DNAH14: variants seen among roughly 807,000 people sequenced by gnomAD.
DNAH14 encodes dynein axonemal heavy chain 14.
Under a neutral mutation model 520.9 loss-of-function variants are expected in DNAH14, and 478 were observed. The ratio of observed to expected loss-of-function variants is 0.92; its 90% CI spans 0.85 to 0.99. DNAH14 has a LOEUF of 0.99. Among genes scored for constraint, DNAH14 ranks in the 50% least tolerant of loss-of-function variants. DNAH14 has a pLI of 0.00. For synonymous variants in DNAH14, 1,581 were observed against 1,757.2 expected (o/e 0.90, Z 2.51); for missense variants, 4,831 against 5,234.5 (o/e 0.92, Z 2.38).
intron 54 of DNAH14, among the ~76,000 whole-genome samples, chr1:225,286,121 G>A (rs1344046837): frequency 6.6e-6 from 1 of 152,200 alleles, no homozygotes; most frequent in African/African-American, 2.4e-5. Context: ...CAGAAGTAGA[G>A]AGTAGAATTA....
chr1:225,132,678 T>C (rs911052639), intron 27 of DNAH14, among the ~76,000 whole-genome samples: 1 of 152,234 alleles, frequency 6.6e-6, no homozygotes, highest in Admixed American at 6.5e-5. Context: ...TCAATGAACA[T>C]ACATGTGTGC....
At chr1:225,063,126 T>A (rs200539167) in intron 17 of DNAH14, among the ~76,000 whole-genome samples, 1 of 151,874 alleles carries the variant, frequency 6.6e-6, no homozygotes, top group Non-Finnish European at 1.5e-5. Context: ...GAAAGATATT[T>A]AAAAAAAGCA....
At chr1:225,182,036 A>G (rs1308841194) in intron 36 of DNAH14, among the ~76,000 whole-genome samples, 3 of 150,818 alleles carry the variant, frequency 2.0e-5, no homozygotes, top group South Asian at 2.1e-4. Flanking sequence ...AAAAATAAAA[A>G]TACCAAAAAA....
intron 61 of DNAH14, among the ~76,000 whole-genome samples, chr1:225,322,064 G>T (rs1255069717): frequency 7.0e-6 from 1 of 143,384 alleles, no homozygotes; most frequent in Non-Finnish European, 1.5e-5. Flanking sequence ...CTACAGTGAA[G>T]ACTTTTCTTT....
intron 74 of DNAH14, among the ~76,000 whole-genome samples, chr1:225,358,897 C>A (rs2095461867): frequency 6.6e-6 from 1 of 152,174 alleles, no homozygotes; most frequent in Admixed American, 6.5e-5. Flanking sequence ...GTCCTGCCAC[C>A]CTGCAAAGAA....
At chr1:225,198,038 T>C (rs1450494910) in intron 38 of DNAH14, among the ~76,000 whole-genome samples, 1 of 152,150 alleles carries the variant, frequency 6.6e-6, no homozygotes, top group Non-Finnish European at 1.5e-5. Context: ...TTCTTTCTCT[T>C]GTCTGATTGC....
chr1:225,085,536 C>T lies in DNAH14; in HGVS notation c.3328-8C>T. The T allele has an allele frequency of 6.5e-7, 1 of 1,535,614 alleles. No individual in the cohort carries two copies. Among genetic ancestry groups the T allele is most frequent in the Non-Finnish European group, 8.8e-7 (1 of 1,134,464 alleles). ...ACTGGATACTAAAGAATACTTTGTTCATTTTAGATGTTTCAGTATGAAAAT... is the reference window on the plus strand; with the variant it reads ...ACTGGATACTAAAGAATACTTTGTTTATTTTAGATGTTTCAGTATGAAAAT... On this transcript the variant is annotated splice_polypyrimidine_tract_variant and splice_region_variant and intron_variant, in intron 20 of 85. Coordinates refer to ENST00000682510, the MANE Select transcript of DNAH14 (RefSeq NM_001367479.1).
intron 17 of DNAH14, among the ~76,000 whole-genome samples, chr1:225,072,904 C>T (rs572850770): frequency 3.8e-4 from 58 of 151,908 alleles, no homozygotes; most frequent in African/African-American, 1.4e-3. Context: ...AGGTAAGGAC[C>T]AGCTGCCAGC....
At chr1:225,207,984 G>A (rs1282738956) in intron 41 of DNAH14, among the ~76,000 whole-genome samples, 2 of 152,082 alleles carry the variant, frequency 1.3e-5, no homozygotes, top group Non-Finnish European at 2.9e-5. Context: ...CACAGCTAGG[G>A]GCAACAACAA....
chr1:225,267,292 CTTTT>C (rs776025994), intron 49 of DNAH14, among the ~76,000 whole-genome samples: 9 of 131,396 alleles, frequency 6.8e-5, no homozygotes, highest in South Asian at 2.5e-4. Flanking sequence ...GAATGGCTTC[CTTTT>C]TTTTTTTTTT....
intron 55 of DNAH14, among the ~76,000 whole-genome samples, chr1:225,296,852 G>A (rs1433426706): frequency 2.0e-5 from 3 of 152,184 alleles, no homozygotes; most frequent in South Asian, 2.1e-4. Context: ...ATCTGCTGTT[G>A]TTCTGCTGGG....
At chr1:225,298,290 T>A (rs1027025133) in intron 55 of DNAH14, among the ~76,000 whole-genome samples, 12 of 152,126 alleles carry the variant, frequency 7.9e-5, no homozygotes, top group African/African-American at 2.9e-4. Flanking sequence ...GTGGAGGCAC[T>A]TGTGGGGCTA....
chr1:225,237,787 T>C (rs1344312594), intron 42 of DNAH14, among the ~76,000 whole-genome samples: 1 of 152,192 alleles, frequency 6.6e-6, no homozygotes, highest in Non-Finnish European at 1.5e-5. Context: ...CCCATAATTC[T>C]CAGTGGTTTT....
intron 60 of DNAH14, among the ~76,000 whole-genome samples, chr1:225,309,342 T>C (rs1046164526): frequency 1.4e-5 from 2 of 145,210 alleles, no homozygotes; most frequent in African/African-American, 4.9e-5. Context: ...CAGACATCTT[T>C]TTAAGCTACC....
rs1357911055 is a variant in DNAH14 at position 225,192,804 on chromosome 1, G to A, written c.5779G>A (p.Gly1927Arg). Residue 1927 changes from glycine (G) to arginine (R), a missense_variant, in exon 38 of 86, where the codon GGA (glycine) becomes AGA (arginine). Coordinates refer to ENST00000682510, the MANE Select transcript of DNAH14 (RefSeq NM_001367479.1). The stretch of plus-strand genomic sequence containing the variant: ...TCCTAATACTATGGAATGGACTGAT[G>A]GATTATTATCAGCAACAATTCGAAG... ...LDPNTMEWTD[G>R]LLSATIRSYV... 10 of 1,549,788 alleles carry A rather than the reference G, an allele frequency of 6.5e-6. No individual in the cohort carries two copies. Among genetic ancestry groups the A allele is most frequent in the African/African-American group, 1.4e-5 (1 of 72,912 alleles).
chr1:225,216,794 G>A (rs1010815102), intron 41 of DNAH14, among the ~76,000 whole-genome samples: 23 of 152,034 alleles, frequency 1.5e-4, no homozygotes, highest in African/African-American at 4.6e-4. Context: ...TTAGCCATTC[G>A]TCTAATCTTT....
rs1467482933 is a variant in DNAH14, at chr1:225,335,881, A to G, written c.10081-1385A>G. ...CATATATGTACATACACATATACATATATGTACATATACATACATATATGC... is the reference window on the plus strand; with the variant it reads ...CATATATGTACATACACATATACATGTATGTACATATACATACATATATGC... On this transcript the variant is annotated intron_variant, in intron 66 of 85. Transcript: ENST00000682510. Among the ~76,000 whole-genome samples, 75 of 34,036 alleles carry G rather than the reference A, an allele frequency of 2.2e-3. 4 individuals are homozygous for G. The highest frequency in any genetic ancestry group is 0.012 in the African/African-American group (75 of 6,436). The allele number at this position is 34,036 out of a possible 152,430, so 22.3% of individuals were successfully genotyped here.
chr1:225,108,436 T>G (rs566171065), intron 23 of DNAH14, among the ~76,000 whole-genome samples: 98 of 152,318 alleles, frequency 6.4e-4, no homozygotes, highest in African/African-American at 2.4e-3. Flanking sequence ...ATCTATCCTA[T>G]TAGTCCTGTC....
intron 1 of DNAH14, among the ~76,000 whole-genome samples, chr1:224,932,335 C>T (rs1336216737): frequency 6.6e-6 from 1 of 151,808 alleles, no homozygotes; most frequent in Non-Finnish European, 1.5e-5. Flanking sequence ...TGTTTCAGTT[C>T]CTTGTATATT....
Sources: allele counts gnomAD v4.1 joint callset (sites outside exome capture counted in the v4.1 genomes callset), GRCh38; gene constraint gnomAD v4.1.1; transcripts MANE v1.5; gene names NCBI Gene and HGNC (gene_info 2026-07-23, HGNC 2026-07-21).